CACNA1I: variants seen among roughly 807,000 people sequenced by gnomAD.
The protein encoded by CACNA1I is calcium voltage-gated channel subunit alpha1 I.
In CACNA1I, 74 loss-of-function variants were observed where a neutral mutation model predicts 201.6. The ratio of observed to expected loss-of-function variants is 0.37; its 90% CI spans 0.30 to 0.45. The LOEUF (loss-of-function observed/expected upper bound fraction) is 0.45. Ranked by LOEUF, CACNA1I falls within the 20% of genes least tolerant of loss-of-function variation. CACNA1I has a pLI of 1.00. For synonymous variants in CACNA1I, 1,431 were observed against 1,345.2 expected, an observed-to-expected ratio of 1.06 and a Z score of -1.40; for missense variants, 2,346 against 3,138.1, an observed-to-expected ratio of 0.75 and a Z score of 6.03.
At chr22:39,621,835 T>C (rs1391515378) in intron 4 of CACNA1I, among the ~76,000 whole-genome samples, 1 of 151,982 alleles carries the variant, frequency 6.6e-6, no homozygotes, top group African/African-American at 2.4e-5. Context: ...GGAGACCCCC[T>C]TGGGCACAGG....
chr22:39,626,022 A>G (rs1381035199), intron 4 of CACNA1I, among the ~76,000 whole-genome samples: 1 of 152,170 alleles, frequency 6.6e-6, no homozygotes, highest in African/African-American at 2.4e-5. Flanking sequence ...GGCGAGGCAG[A>G]CCCTGGGGAG....
chr22:39,664,785 G>C lies in CACNA1I; in HGVS notation c.3713G>C (p.Ser1238Thr). The C allele has an allele frequency of 6.4e-7, 1 of 1,557,604 alleles. No individual in the cohort carries two copies. Among genetic ancestry groups the C allele is most frequent in the East Asian group, 2.5e-5 (1 of 40,004 alleles). ...TTCGGCGAGCAGGCGTACCTACGCA[G>C]CAGCTGGAACGTGCTGGATGGCTTT... ...LYFGEQAYLR[S>T]SWNVLDGFLV... The change falls in exon 21 of 37, where the codon AGC becomes ACC. Residue 1238 changes from serine (S) to threonine (T), a missense_variant. Ser to Thr is a moderately conservative substitution (Grantham distance 58, BLOSUM62 1). Coordinates refer to ENST00000402142, the MANE Select transcript of CACNA1I (RefSeq NM_021096.4).
chr22:39,592,646 C>T lies in CACNA1I; in HGVS notation c.237-5505C>T, dbSNP rs547211458. Among the ~76,000 whole-genome samples, 5 of 152,310 alleles carry T rather than the reference C, an allele frequency of 3.3e-5. No homozygotes were observed. The East Asian group carries it at 5.8e-4, about 18-fold the overall frequency. The stretch of plus-strand genomic sequence containing the variant: ...TTGGGAGCCATTGAAGACGTCCTGC[C>T]GTCGTGGCACTAGCACTCCAGCCCT... On this transcript the variant is annotated intron_variant, in intron 1 of 36. Coordinates refer to ENST00000402142, the MANE Select transcript of CACNA1I (RefSeq NM_021096.4).
Position 39,648,030 on chromosome 22 carries a change from C to T in CACNA1I, c.1567+104C>T. 1 of 971,574 alleles carries T rather than the reference C, an allele frequency of 1.0e-6. No individual in the cohort carries two copies. The highest frequency in any genetic ancestry group is 2.1e-5 in the Admixed American group (1 of 47,784). The allele number at this position is 971,574 out of a possible 1,614,324, so 60.2% of individuals were successfully genotyped here. Reference sequence around the variant, plus strand: ...GGCAGGCATGGGGACGGCGCTTGAGCAGCCGCGACCCTCTGCAGGCCTGTC... The same window carrying T: ...GGCAGGCATGGGGACGGCGCTTGAGTAGCCGCGACCCTCTGCAGGCCTGTC... On this transcript the variant is annotated intron_variant, in intron 9 of 36. Transcript: ENST00000402142. This position sits in a 1 kb window ranked among gnomAD's most constrained non-coding sequence, Gnocchi z 5.4.
intron 5 of CACNA1I, among the ~76,000 whole-genome samples, chr22:39,638,709 T>C (rs28437557): frequency 6.6e-6 from 1 of 152,210 alleles, no homozygotes; most frequent in Non-Finnish European, 1.5e-5. Context: ...TATTAAGTTA[T>C]GGGAGATTTT....
chr22:39,587,863 C>G, intron 1 of CACNA1I: 1 of 338,100 alleles, frequency 3.0e-6, no homozygotes, highest in South Asian at 2.4e-5. Flanking sequence ...GCAACCTCTG[C>G]CTCCTGGGTT....
chr22:39,608,181 A>G (rs1428885830), intron 3 of CACNA1I, among the ~76,000 whole-genome samples: 2 of 151,642 alleles, frequency 1.3e-5, no homozygotes, highest in Admixed American at 1.3e-4. Context: ...AGTGGCGCAC[A>G]CCTGTAGTCC....
chr22:39,685,996 GC>G lies in CACNA1I; in HGVS notation c.6264del (p.Ser2088ArgfsTer184). 8.0e-7 allele frequency: 1 copy of G among 1,245,206 alleles called. No homozygotes were observed. Among genetic ancestry groups the G allele is most frequent in the Non-Finnish European group, 1.0e-6 (1 of 999,804 alleles). 77.1% of individuals were successfully genotyped at this position (1,245,206 alleles called of 1,614,324 possible). A position where few individuals can be genotyped will look rare whatever the true frequency, so the allele number is the denominator to read the frequency against. On this transcript the variant is annotated frameshift_variant, in exon 37 of 37. Transcript: ENST00000402142. LOFTEE classifies it low-confidence loss of function (END_TRUNC). This position sits in a 1 kb window ranked among gnomAD's most constrained non-coding sequence, Gnocchi z 5.0. Reference protein sequence around the residue: ...RGLRAHQRSHSSGGSTSPGCT... With the variant: ...RGLRAHQRSHXSGGSTSPGCT... ...CTGCGGGCGCATCAGCGCAGCCACAGCAGCGGGGGCTCCACCAGCCCGGGCT... is the reference window on the plus strand; with the variant it reads ...CTGCGGGCGCATCAGCGCAGCCACAGAGCGGGGGCTCCACCAGCCCGGGCT...
Position 39,650,479 on chromosome 22 carries a change from C to A in CACNA1I, c.1992+554C>A, listed in dbSNP as rs187939009. Among the ~76,000 whole-genome samples, 718 of 152,274 alleles carry A rather than the reference C, an allele frequency of 4.7e-3. 3 individuals carry two copies. Among genetic ancestry groups the A allele is most frequent in the African/African-American group, 0.015 (640 of 41,554 alleles). ...CTGGGCCCTTCTGTCCATTCCCCCC[C>A]AAACAGCTGGGGTGATTCTTCCAGA... is the stretch of plus-strand genomic sequence containing the variant. On this transcript the variant is annotated intron_variant, in intron 10 of 36. Coordinates refer to ENST00000402142, the MANE Select transcript of CACNA1I (RefSeq NM_021096.4).
chr22:39,667,008 C>T (rs1935220359), intron 23 of CACNA1I, among the ~76,000 whole-genome samples: 2 of 152,228 alleles, frequency 1.3e-5, no homozygotes, highest in Admixed American at 1.3e-4. Context: ...TCTGGGTCTG[C>T]CTGGCTCTCC....
At chr22:39,580,991 G>A (rs985731179) in intron 1 of CACNA1I, among the ~76,000 whole-genome samples, 2 of 152,226 alleles carry the variant, frequency 1.3e-5, no homozygotes, top group South Asian at 2.1e-4. Context: ...CTGGGCACCC[G>A]GTGGTGACCC....
intron 1 of CACNA1I, among the ~76,000 whole-genome samples, chr22:39,595,926 CAGGGCGTGAAG>C (rs568720915): frequency 6.1e-4 from 93 of 151,286 alleles, no homozygotes; most frequent in African/African-American, 2.2e-3. Flanking sequence ...AAGACAGTGG[CAGGGCGTGAAG>C]AGGGCGTGCG....
intron 5 of CACNA1I, among the ~76,000 whole-genome samples, chr22:39,639,488 T>G (rs1330113740): frequency 6.6e-6 from 1 of 152,236 alleles, no homozygotes; most frequent in African/African-American, 2.4e-5. Context: ...ATTTATGCTT[T>G]TTAATCCACT....
chr22:39,613,117 G>A (rs1015065278), intron 3 of CACNA1I, among the ~76,000 whole-genome samples: 1 of 152,324 alleles, frequency 6.6e-6, no homozygotes, highest in Non-Finnish European at 1.5e-5. Context: ...CCTGGGCGGG[G>A]TATTTCCTGG....
intron 10 of CACNA1I, among the ~76,000 whole-genome samples, chr22:39,653,623 G>T (rs1263923899): frequency 6.6e-6 from 1 of 152,216 alleles, no homozygotes; most frequent in Non-Finnish European, 1.5e-5. Flanking sequence ...CCCCATCCTG[G>T]CTGGCAGGGA....
rs1347050590 is a variant in CACNA1I at position 39,677,858 on chromosome 22, C to G, written c.4934-129C>G. 5 of 1,066,570 alleles carry G rather than the reference C, an allele frequency of 4.7e-6. No homozygotes were observed. Among genetic ancestry groups the G allele is most frequent in the Non-Finnish European group, 6.6e-6 (5 of 760,062 alleles). 66.1% of individuals were successfully genotyped at this position (1,066,570 alleles called of 1,614,324 possible). A position where few individuals can be genotyped will look rare whatever the true frequency, so the allele number is the denominator to read the frequency against. On this transcript the variant is annotated intron_variant, in intron 30 of 36. Coordinates refer to ENST00000402142, the MANE Select transcript of CACNA1I (RefSeq NM_021096.4). The surrounding 1 kb of genome is among the most constrained non-coding windows in gnomAD (Gnocchi z 4.8). ...CCCCGAGCCTCAGTTTATCTGTGGG[C>G]TGGGCACAGTCTGCAGGCCCCTCCT...
In CACNA1I at chr22:39,682,488, C is replaced by T. The variant is rs765149600; in HGVS notation, c.5665-8C>T. The T allele has an allele frequency of 5.6e-6, 9 of 1,612,536 alleles. No homozygotes were observed. The highest frequency in any genetic ancestry group is 1.3e-5 in the African/African-American group (1 of 75,026). On this transcript the variant is annotated splice_region_variant and splice_polypyrimidine_tract_variant and intron_variant, in intron 34 of 36. Coordinates refer to ENST00000402142, the MANE Select transcript of CACNA1I (RefSeq NM_021096.4). ...GTCCTGCCCCATCCTACCTCCCTTT[C>T]CTTGCAGGGTGAGCTGGACCCACCT...
intron 34 of CACNA1I, 125 bp from the exon 35 acceptor site, chr22:39,682,371 G>A (rs546011894): frequency 2.9e-5 from 21 of 735,208 alleles, no homozygotes; most frequent in Non-Finnish European, 4.2e-5. Flanking sequence ...GGAGGTGAGA[G>A]GAAGGTCAGA....
At position 39,648,015 on chromosome 22, in the gene CACNA1I, G is replaced by A; in HGVS notation, c.1567+89G>A. On this transcript the variant is annotated intron_variant, in intron 9 of 36. Transcript: ENST00000402142. The surrounding 1 kb of genome is among the most constrained non-coding windows in gnomAD (Gnocchi z 5.4). ...GCTGAGAAGGAAGTCGGCAGGCATG[G>A]GGACGGCGCTTGAGCAGCCGCGACC... The A allele has an allele frequency of 8.4e-7, 1 of 1,193,472 alleles. No homozygotes were observed. The highest frequency in any genetic ancestry group is 1.2e-6 in the Non-Finnish European group (1 of 819,986). The allele number at this position is 1,193,472 out of a possible 1,614,324, so 73.9% of individuals were successfully genotyped here.
Sources: gnomAD v4.1 joint callset for allele counts (sites outside exome capture counted in the v4.1 genomes callset) on GRCh38, gnomAD v4.1.1 for gene constraint, Gnocchi (gnomAD v3.1) non-coding constraint, MANE v1.5 for transcripts, NCBI Gene and HGNC (gene_info 2026-07-23, HGNC 2026-07-21) for gene names.